Variants in DGAT2 observed in about 807,000 individuals in gnomAD.
DGAT2 encodes the protein acyl-CoA retinol O-fatty-acyltransferase.
A neutral mutation model predicts 48.4 loss-of-function variants in DGAT2; 33 were observed. That is an observed-to-expected ratio of 0.68 (90% CI 0.52 to 0.91). DGAT2 has a LOEUF of 0.91. Ranked by LOEUF, DGAT2 falls within the 40% of genes least tolerant of loss-of-function variation. The pLI is 0.00. For synonymous variants in DGAT2, 191 were observed against 194.1 expected (o/e 0.98, Z 0.13); for missense variants, 446 against 493.7 (o/e 0.90, Z 0.92).
rs1944727071 is a variant in DGAT2, at chr11:75,768,917, C to T, written c.-75C>T. Reference sequence around the variant, plus strand: ...TGTGCTCTGCGCGAAGCCCTGGCCCCGGGGGCCGGGGCATGGGCCAGGGGC... The same window carrying T: ...TGTGCTCTGCGCGAAGCCCTGGCCCTGGGGGCCGGGGCATGGGCCAGGGGC... On this transcript the variant is annotated 5_prime_UTR_variant, in exon 1 of 8. Transcript: ENST00000228027. 2 of 1,362,462 alleles carry T rather than the reference C, an allele frequency of 1.5e-6. No individual in the cohort carries two copies. Among genetic ancestry groups the T allele is most frequent in the Non-Finnish European group, 1.9e-6 (2 of 1,061,892 alleles). The allele number at this position is 1,362,462 out of a possible 1,614,324, so 84.4% of individuals were successfully genotyped here. A position where few individuals can be genotyped will look rare whatever the true frequency, so the allele number is the denominator to read the frequency against.
chr11:75,786,463 T>C (rs1944923766), intron 2 of DGAT2, among the ~76,000 whole-genome samples: 1 of 152,188 alleles, frequency 6.6e-6, no homozygotes, highest in Non-Finnish European at 1.5e-5. Flanking sequence ...CCTGTCTTAA[T>C]GGGTCTGGGC....
chr11:75,789,588 G>A (rs1944962017), intron 2 of DGAT2, among the ~76,000 whole-genome samples: 2 of 152,142 alleles, frequency 1.3e-5, no homozygotes, highest in African/African-American at 2.4e-5. Context: ...TGATGGTCTG[G>A]GACTTTGGTG....
chr11:75,796,804 AC>A, intron 5 of DGAT2: 1 of 516,528 alleles, frequency 1.9e-6, no homozygotes, highest in Non-Finnish European at 3.5e-6. Flanking sequence ...CTTTTGTACA[AC>A]CTGATTGTTG....
At chr11:75,774,876 G>A (rs1210968375) in intron 1 of DGAT2, among the ~76,000 whole-genome samples, 1 of 152,150 alleles carries the variant, frequency 6.6e-6, no homozygotes, top group Non-Finnish European at 1.5e-5. Context: ...GAATGTGCTT[G>A]GTCACAGTGG....
At chr11:75,784,395 C>T (rs893336143) in intron 1 of DGAT2, 6 of 478,962 alleles carry the variant, frequency 1.3e-5, no homozygotes, top group African/African-American at 7.8e-5. Flanking sequence ...ATACCATTCC[C>T]ATTGTGTATC....
At chr11:75,773,381 A>G (rs1944775933) in intron 1 of DGAT2, among the ~76,000 whole-genome samples, 2 of 152,214 alleles carry the variant, frequency 1.3e-5, no homozygotes, top group Non-Finnish European at 2.9e-5. Context: ...AGGGCTTATT[A>G]GAAGCCCGAG....
In DGAT2 at chr11:75,790,249, G is replaced by A. The variant is rs145488564; in HGVS notation, c.312G>A (p.Val104=). 1.8e-5 allele frequency: 29 copies of A among 1,614,158 alleles called. No individual in the cohort carries two copies. The African/African-American group carries it at 3.1e-4, about 17-fold the overall frequency. Residue 104 remains valine (V), a synonymous_variant, in exon 3 of 8, where the codon GTG becomes GTA. Transcript: ENST00000228027. ...GCACTGATTGCTGGCTCATCGCTGTGCTCTACTTCACTTGGCTGGTGTTTG... is the reference window on the plus strand; with the variant it reads ...GCACTGATTGCTGGCTCATCGCTGTACTCTACTTCACTTGGCTGGTGTTTG... ...IFCTDCWLIA[V]LYFTWLVFDW...
chr11:75,787,025 A>C (rs1366778610), intron 2 of DGAT2, among the ~76,000 whole-genome samples: 1 of 152,256 alleles, frequency 6.6e-6, no homozygotes, highest in Non-Finnish European at 1.5e-5. Context: ...CAGCACATGT[A>C]ATAATTACTA....
intron 1 of DGAT2, among the ~76,000 whole-genome samples, chr11:75,772,070 A>G (rs1400719756): frequency 1.3e-5 from 2 of 152,186 alleles, no homozygotes; most frequent in African/African-American, 4.8e-5. Flanking sequence ...TTAAGCCAAG[A>G]GAAGGGTTGC....
chr11:75,786,547 A>G (rs777629303), intron 2 of DGAT2, among the ~76,000 whole-genome samples: 17 of 152,188 alleles, frequency 1.1e-4, no homozygotes, highest in Non-Finnish European at 2.1e-4. Flanking sequence ...GCCCCAGGCT[A>G]TAGGTTAATA....
chr11:75,789,757 A>C (rs1944963921), intron 2 of DGAT2, among the ~76,000 whole-genome samples: 2 of 152,224 alleles, frequency 1.3e-5, no homozygotes, highest in South Asian at 2.1e-4. Context: ...CCTGCCTTAC[A>C]CTTGAGACAG....
intron 1 of DGAT2, among the ~76,000 whole-genome samples, chr11:75,771,397 C>A (rs1171661986): frequency 6.6e-6 from 1 of 152,080 alleles, no homozygotes; most frequent in African/African-American, 2.4e-5. Flanking sequence ...CAGGGTTCAG[C>A]ACAGGACCTA....
intron 1 of DGAT2, among the ~76,000 whole-genome samples, chr11:75,777,884 C>T (rs1008322947): frequency 1.3e-5 from 2 of 152,196 alleles, no homozygotes; most frequent in Non-Finnish European, 2.9e-5. Flanking sequence ...TCATAGCTCT[C>T]GTCGCTGCCT....
In DGAT2 at chr11:75,768,915, C is replaced by T. The variant is rs1944727008; in HGVS notation, c.-77C>T. The T allele has an allele frequency of 7.3e-7, 1 of 1,361,764 alleles. No homozygotes were observed. Among genetic ancestry groups the T allele is most frequent in the Non-Finnish European group, 9.4e-7 (1 of 1,061,688 alleles). 84.4% of individuals were successfully genotyped at this position (1,361,764 alleles called of 1,614,324 possible). On this transcript the variant is annotated 5_prime_UTR_variant, in exon 1 of 8. Transcript: ENST00000228027. ...CCTGTGCTCTGCGCGAAGCCCTGGC[C>T]CCGGGGGCCGGGGCATGGGCCAGGG...
At chr11:75,784,814 G>C (rs780676648) in intron 2 of DGAT2, 68 bp downstream of exon 2, 16 of 1,606,360 alleles carry the variant, frequency 1.0e-5, no homozygotes, top group Non-Finnish European at 1.4e-5. Flanking sequence ...AGGTAGAGCA[G>C]GAGCCCTGCT....
intron 4 of DGAT2, among the ~76,000 whole-genome samples, chr11:75,791,948 G>A (rs1164696352): frequency 1.3e-5 from 2 of 152,248 alleles, no homozygotes; most frequent in South Asian, 2.1e-4. Context: ...GCAAAATGGA[G>A]CTGTCTGTAT....
At position 75,800,633 on chromosome 11, in the gene DGAT2, AT is replaced by A; in HGVS notation, c.*127del. The A allele has an allele frequency of 8.3e-7, 1 of 1,198,996 alleles. No individual in the cohort carries two copies. Among genetic ancestry groups the A allele is most frequent in the Non-Finnish European group, 1.1e-6 (1 of 876,020 alleles). 74.3% of individuals were successfully genotyped at this position (1,198,996 alleles called of 1,614,324 possible). A position where few individuals can be genotyped will look rare whatever the true frequency, so the allele number is the denominator to read the frequency against. On this transcript the variant is annotated 3_prime_UTR_variant, in exon 8 of 8. Transcript: ENST00000228027. ...GAAATTATAACAATTTTGCTAAACC[AT>A]TACAATGTTAGGTCTTTTTTAAGAA... is the stretch of plus-strand genomic sequence containing the variant.
intron 2 of DGAT2, 150 bp from the exon 3 acceptor site, chr11:75,790,038 C>G: frequency 1.5e-6 from 1 of 660,772 alleles, no homozygotes; most frequent in South Asian, 1.7e-5. Flanking sequence ...CTGAACATTC[C>G]TGTAGCTATT....
In DGAT2 at chr11:75,789,499, G is replaced by A. The variant is rs528604270; in HGVS notation, c.251-689G>A. On this transcript the variant is annotated intron_variant, in intron 2 of 7. Coordinates refer to ENST00000228027, the MANE Select transcript of DGAT2 (RefSeq NM_032564.5). ...GCTGATGGGCTCTGCGCTTTGGCCT[G>A]GGACTTCCTGGATTGCCGTTATGTT... Among the ~76,000 whole-genome samples the A allele has an allele frequency of 8.5e-4, 129 of 152,270 alleles. 1 individual carries two copies. Among genetic ancestry groups the A allele is most frequent in the Non-Finnish European group, 1.1e-3 (74 of 68,016 alleles).
Sources: allele counts gnomAD v4.1 joint callset (sites outside exome capture counted in the v4.1 genomes callset), GRCh38; gene constraint gnomAD v4.1.1; transcripts MANE v1.5; gene names NCBI Gene and HGNC (gene_info 2026-07-23, HGNC 2026-07-21).